Variants in NAV2 observed in about 807,000 individuals in gnomAD.
The protein encoded by NAV2 is helicase, APC down-regulated 1.
A neutral mutation model predicts 223.2 loss-of-function variants in NAV2; 54 were observed. The ratio of observed to expected loss-of-function variants is 0.24; its 90% CI spans 0.19 to 0.30. NAV2 has a LOEUF of 0.30. Among genes scored for constraint, NAV2 ranks in the 10% least tolerant of loss-of-function variants. The probability of loss-of-function intolerance (pLI) is 1.00; values close to 1 mark genes in which losing one functional copy is unlikely to be tolerated. For missense variants in NAV2, 2,806 were observed against 3,147.5 expected (o/e 0.89, Z 2.60); for synonymous variants, 1,279 against 1,239.3 (o/e 1.03, Z -0.67).
intron 22 of NAV2, among the ~76,000 whole-genome samples, chr11:20,069,484 G>A (rs529561904): frequency 6.6e-6 from 1 of 152,262 alleles, no homozygotes; most frequent in South Asian, 2.1e-4. Flanking sequence ...GGGCTGGTTT[G>A]CACTTTAGAT....
chr11:19,931,555 A>C (rs139207091), intron 6 of NAV2, among the ~76,000 whole-genome samples: 1 of 145,588 alleles, frequency 6.9e-6, no homozygotes, highest in Non-Finnish European at 1.5e-5. Context: ...CTCTATATAC[A>C]GTTTACTCTG....
intron 6 of NAV2, among the ~76,000 whole-genome samples, chr11:19,928,495 C>T (rs2044997474): frequency 6.6e-6 from 1 of 152,094 alleles, no homozygotes; most frequent in African/African-American, 2.4e-5. Flanking sequence ...AACAAAGGTT[C>T]AGATATTTGA....
rs2057986032 is a variant in NAV2, at chr11:20,051,327, G to A, written c.4475G>A (p.Gly1492Glu). The change falls in exon 17 of 38, where the codon GGA becomes GAA. Residue 1492 changes from glycine to glutamate, a missense_variant. This residue lies in a region of NAV2 where 742 missense variants were observed against 777.9 expected (regional missense o/e 0.95). Coordinates refer to ENST00000349880, the MANE Select transcript of NAV2 (RefSeq NM_145117.5). Reference sequence around the variant, plus strand: ...GATAGGAACACTTTGCCTAAGAAAGGACTCAGGTATCTGTGTTTCCTCCTT... The same window carrying A: ...GATAGGAACACTTTGCCTAAGAAAGAACTCAGGTATCTGTGTTTCCTCCTT... ...HLDRNTLPKKGLRYTPTSQLR... is the reference protein window; with the variant it reads ...HLDRNTLPKKELRYTPTSQLR... 2 of 1,614,074 alleles carry A rather than the reference G, an allele frequency of 1.2e-6. No homozygotes were observed. The highest frequency in any genetic ancestry group is 2.2e-5 in the South Asian group (2 of 91,072).
intron 6 of NAV2, among the ~76,000 whole-genome samples, chr11:19,910,824 C>G (rs2043245950): frequency 6.6e-6 from 1 of 152,150 alleles, no homozygotes; most frequent in Non-Finnish European, 1.5e-5. Context: ...TGCCACTGCA[C>G]TCCAGCCTGG....
At chr11:19,716,625 A>C (rs962276858) in intron 1 of NAV2, among the ~76,000 whole-genome samples, 1 of 152,154 alleles carries the variant, frequency 6.6e-6, no homozygotes, top group Non-Finnish European at 1.5e-5. Context: ...CTAGTACAGT[A>C]CCAGGCAGAA....
chr11:20,107,973 A>G (rs552052864), intron 36 of NAV2, among the ~76,000 whole-genome samples, 191 bp downstream of exon 36: 1 of 152,262 alleles, frequency 6.6e-6, no homozygotes, highest in Admixed American at 6.5e-5. Flanking sequence ...ACCCATTAGC[A>G]TTGTGACCCC....
chr11:20,060,820 G>C (rs1387686197), intron 19 of NAV2, among the ~76,000 whole-genome samples: 1 of 152,250 alleles, frequency 6.6e-6, no homozygotes, highest in African/African-American at 2.4e-5. Flanking sequence ...GCTTGGGAGA[G>C]CAGTGCAGAA....
At chr11:19,802,651 A>G (rs2058337671) in intron 1 of NAV2, among the ~76,000 whole-genome samples, 1 of 150,334 alleles carries the variant, frequency 6.7e-6, no homozygotes, top group Non-Finnish European at 1.5e-5. Flanking sequence ...TTGAGGCTGC[A>G]GTGAGCTATG....
intron 1 of NAV2, among the ~76,000 whole-genome samples, chr11:19,750,150 G>A (rs907454288): frequency 1.3e-5 from 2 of 152,168 alleles, no homozygotes; most frequent in Non-Finnish European, 2.9e-5. Flanking sequence ...TTGTCTTAGA[G>A]GACATTGATC....
intron 1 of NAV2, among the ~76,000 whole-genome samples, chr11:19,536,867 A>G (rs182788290): frequency 1.1e-3 from 164 of 152,348 alleles, no homozygotes; most frequent in Non-Finnish European, 2.1e-3. Context: ...ATTCTACTTG[A>G]TCATAGTCAG....
chr11:20,060,672 C>G (rs2058646293), intron 19 of NAV2, among the ~76,000 whole-genome samples: 1 of 152,178 alleles, frequency 6.6e-6, no homozygotes, highest in Admixed American at 6.5e-5. Context: ...AGGTGGCAGT[C>G]TGCGAAATGA....
chr11:19,946,251 C>G, intron 8 of NAV2, 150 bp from the exon 9 acceptor site: 1 of 610,682 alleles, frequency 1.6e-6, no homozygotes, highest in Non-Finnish European at 2.7e-6. Flanking sequence ...TCCATTCAAT[C>G]ATTCATTCAT....
chr11:19,495,209 C>G (rs889893648), intron 1 of NAV2, among the ~76,000 whole-genome samples: 1 of 152,216 alleles, frequency 6.6e-6, no homozygotes, highest in African/African-American at 2.4e-5. Flanking sequence ...TGTATTTGTT[C>G]TTTCCTTATC....
chr11:19,550,058 G>A (rs1354078845), intron 1 of NAV2, among the ~76,000 whole-genome samples: 3 of 152,178 alleles, frequency 2.0e-5, no homozygotes, highest in Admixed American at 6.5e-5. Flanking sequence ...AGGTGGATGG[G>A]AAATTCAAGT....
At chr11:19,590,316 C>A (rs781389230) in intron 1 of NAV2, among the ~76,000 whole-genome samples, 12 of 152,138 alleles carry the variant, frequency 7.9e-5, no homozygotes, top group Non-Finnish European at 1.5e-4. Context: ...TGGAATCTTT[C>A]TCCTAACAGA....
chr11:19,939,906 T>A (rs936455480), intron 8 of NAV2, 133 bp downstream of exon 8: 3 of 414,056 alleles, frequency 7.2e-6, no homozygotes, highest in East Asian at 3.9e-5. Context: ...AAACAAACTT[T>A]CTTTCTTTTT....
intron 1 of NAV2, among the ~76,000 whole-genome samples, chr11:19,356,740 C>CT (rs1853644273): frequency 1.3e-5 from 2 of 152,186 alleles, no homozygotes; most frequent in South Asian, 4.1e-4. Flanking sequence ...TTCATGAAAC[C>CT]TTAACCCCCA....
At chr11:19,398,371 T>C (rs948627272) in intron 1 of NAV2, among the ~76,000 whole-genome samples, 1 of 152,080 alleles carries the variant, frequency 6.6e-6, no homozygotes, top group African/African-American at 2.4e-5. Flanking sequence ...CTTGATCCAA[T>C]CACCTCCCAC....
chr11:19,478,481 C>G (rs112845427), intron 1 of NAV2, among the ~76,000 whole-genome samples: 2 of 152,154 alleles, frequency 1.3e-5, no homozygotes, highest in African/African-American at 4.8e-5. Context: ...AAGGACCTTG[C>G]AGACTAAAGC....
Sources: gnomAD v4.1 joint callset for allele counts (sites outside exome capture counted in the v4.1 genomes callset) on GRCh38, gnomAD v4.1.1 for gene constraint, gnomAD v4.1.1 regional missense constraint, MANE v1.5 for transcripts, NCBI Gene and HGNC (gene_info 2026-07-23, HGNC 2026-07-21) for gene names.